HSD17B12: variants seen among roughly 807,000 people sequenced by gnomAD.
The protein encoded by HSD17B12 is hydroxysteroid 17-beta dehydrogenase 12.
Under a neutral mutation model 39.3 loss-of-function variants are expected in HSD17B12, and 32 were observed. The ratio of observed to expected loss-of-function variants is 0.81; its 90% CI spans 0.61 to 1.09. The LOEUF is 1.09. HSD17B12 is among the 50% of genes least tolerant of loss of function. HSD17B12 has a pLI of 0.00. For missense variants in HSD17B12, 342 were observed against 382.9 expected, an observed-to-expected ratio of 0.89 and a Z score of 0.89; for synonymous variants, 150 against 146.7, an observed-to-expected ratio of 1.02 and a Z score of -0.16.
At chr11:43,820,720 A>G (rs1951174354) in intron 6 of HSD17B12, among the ~76,000 whole-genome samples, 1 of 152,230 alleles carries the variant, frequency 6.6e-6, no homozygotes, top group South Asian at 2.1e-4. Context: ...ACTAAACTAC[A>G]TGACAGGGAA....
chr11:43,608,588 T>G, the HSD17B12 span, among the ~76,000 whole-genome samples: 1 of 152,196 alleles, frequency 6.6e-6, no homozygotes, highest in Non-Finnish European at 1.5e-5. Context: ...TAGTCTTCCA[T>G]GTAATCTTTA....
the HSD17B12 span, among the ~76,000 whole-genome samples, chr11:43,613,624 G>A: frequency 6.7e-6 from 1 of 150,286 alleles, no homozygotes; most frequent in Non-Finnish European, 1.5e-5. Flanking sequence ...TTTCCACTTG[G>A]CCTATGAATT....
chr11:43,708,615 C>G (rs1400581584), intron 1 of HSD17B12, among the ~76,000 whole-genome samples: 1 of 152,192 alleles, frequency 6.6e-6, no homozygotes, highest in East Asian at 1.9e-4. Context: ...AGATGTCTTA[C>G]TGGGACCGCA....
intron 6 of HSD17B12, among the ~76,000 whole-genome samples, chr11:43,823,989 G>A (rs962023536): frequency 4.6e-5 from 7 of 152,188 alleles, no homozygotes; most frequent in African/African-American, 1.7e-4. Context: ...TGGGCCAGAG[G>A]TGGCTGACGA....
At chr11:43,836,688 A>T (rs1285436381) in intron 7 of HSD17B12, among the ~76,000 whole-genome samples, 1 of 152,276 alleles carries the variant, frequency 6.6e-6, no homozygotes, top group East Asian at 1.9e-4. Context: ...ATACTAAATT[A>T]AAAATCTCCT....
At chr11:43,565,337 T>C in the HSD17B12 span, among the ~76,000 whole-genome samples, 15 of 152,186 alleles carry the variant, frequency 9.9e-5, no homozygotes, top group Admixed American at 9.8e-4. Context: ...GGAGGATGAA[T>C]AGGAGCAGCC....
the HSD17B12 span, among the ~76,000 whole-genome samples, chr11:43,591,590 A>G: frequency 6.6e-6 from 1 of 152,128 alleles, no homozygotes; most frequent in Non-Finnish European, 1.5e-5. Context: ...TGAAAGGAAA[A>G]TCTTTTTAAA....
At position 43,754,928 on chromosome 11, in the gene HSD17B12, A is replaced by G. The variant is rs371275938; in HGVS notation, c.283+807A>G. The G allele has an allele frequency of 8.7e-5, 66 of 758,108 alleles. No homozygotes were observed. The Middle Eastern group carries it at 1.1e-3, about 13-fold the overall frequency. The allele number at this position is 758,108 out of a possible 1,614,324, so 47.0% of individuals were successfully genotyped here. On this transcript the variant is annotated intron_variant, in intron 3 of 10. Transcript: ENST00000278353. ...TGGCAAAGACTCTTAACTAACTTCT[A>G]CTCAATCAACCAGATGGATAAACCA...
chr11:43,578,179 C>T, the HSD17B12 span, among the ~76,000 whole-genome samples: 18 of 152,266 alleles, frequency 1.2e-4, no homozygotes, highest in African/African-American at 3.6e-4. Flanking sequence ...GATTTGTGTA[C>T]GTGCAGGAAT....
At chr11:43,720,687 C>T (rs1344029802) in intron 1 of HSD17B12, among the ~76,000 whole-genome samples, 1 of 152,130 alleles carries the variant, frequency 6.6e-6, no homozygotes, top group East Asian at 1.9e-4. Flanking sequence ...TGCAAAAGAG[C>T]ATGTGGAATG....
At chr11:43,632,726 C>T in the HSD17B12 span, among the ~76,000 whole-genome samples, 1 of 152,080 alleles carries the variant, frequency 6.6e-6, no homozygotes, top group South Asian at 2.1e-4. Flanking sequence ...ACTCTATAAA[C>T]GATTCATGTA....
upstream of HSD17B12, among the ~76,000 whole-genome samples, chr11:43,678,212 T>C (rs987827818): frequency 6.6e-6 from 1 of 152,212 alleles, no homozygotes; most frequent in Non-Finnish European, 1.5e-5. Context: ...CATGTGTCTG[T>C]TGCCTGCATA....
At chr11:43,653,187 A>G in the HSD17B12 span, among the ~76,000 whole-genome samples, 1 of 152,144 alleles carries the variant, frequency 6.6e-6, no homozygotes, top group African/African-American at 2.4e-5. Context: ...ACAAAAGACT[A>G]TAACAAGGGA....
chr11:43,681,592 G>T (rs1949745349), intron 1 of HSD17B12, among the ~76,000 whole-genome samples: 1 of 152,036 alleles, frequency 6.6e-6, no homozygotes, highest in South Asian at 2.1e-4. Flanking sequence ...AGGAATTCTC[G>T]CTAAACTGTT....
chr11:43,845,747 T>C (rs191221111), intron 9 of HSD17B12, among the ~76,000 whole-genome samples: 67 of 152,298 alleles, frequency 4.4e-4, no homozygotes, highest in Admixed American at 4.6e-4. Flanking sequence ...TCCCCCACTC[T>C]AGGTGTTACC....
chr11:43,598,837 A>G, the HSD17B12 span, among the ~76,000 whole-genome samples: 2 of 152,130 alleles, frequency 1.3e-5, no homozygotes, highest in African/African-American at 4.8e-5. Context: ...AGCCAGCCAT[A>G]TATGTACCTG....
chr11:43,661,357 G>C, the HSD17B12 span, among the ~76,000 whole-genome samples: 1 of 152,128 alleles, frequency 6.6e-6, no homozygotes, highest in South Asian at 2.1e-4. Context: ...TGGAGATTAT[G>C]GAAATGTTGT....
chr11:43,634,127 G>T, the HSD17B12 span, among the ~76,000 whole-genome samples: 33 of 103,264 alleles, frequency 3.2e-4, no homozygotes, highest in African/African-American at 1.2e-3. Context: ...ACATGTATAA[G>T]ATACCTTAAG....
At chr11:43,842,273 C>T (rs1260179379) in intron 9 of HSD17B12, among the ~76,000 whole-genome samples, 1 of 152,012 alleles carries the variant, frequency 6.6e-6, no homozygotes, top group Non-Finnish European at 1.5e-5. Flanking sequence ...TGAGTAGATA[C>T]TGGTGGGAGC....
Sources: gnomAD v4.1 joint callset for allele counts (sites outside exome capture counted in the v4.1 genomes callset) on GRCh38, gnomAD v4.1.1 for gene constraint, MANE v1.5 for transcripts, NCBI Gene and HGNC (gene_info 2026-07-23, HGNC 2026-07-21) for gene names.